Variants in UBAP1L observed in about 807,000 individuals in gnomAD.
UBAP1L encodes the protein ubiquitin associated protein 1 like.
UBAP1L carries 32 observed loss-of-function variants against 32.1 expected under a neutral mutation model. The ratio of observed to expected loss-of-function variants is 1.00; its 90% confidence interval spans 0.75 to 1.34. The LOEUF (loss-of-function observed/expected upper bound fraction) is 1.34. Ranked by LOEUF, UBAP1L falls within the 40% of genes most tolerant of loss-of-function variation. UBAP1L has a pLI of 0.00. For synonymous variants in UBAP1L, 243 were observed against 250.2 expected (o/e 0.97, Z 0.27); for missense variants, 516 against 540.5 (o/e 0.95, Z 0.45).
At chr15:65,106,044 C>A (rs2087306193) in intron 2 of UBAP1L, 52 bp downstream of exon 2, 2 of 1,544,560 alleles carry the variant, frequency 1.3e-6, no homozygotes, top group African/African-American at 2.8e-5. Flanking sequence ...GCCCCATGGA[C>A]TCAGCCCCAG....
Position 65,106,121 on chromosome 15 carries a change from C to T in UBAP1L, c.95G>A (p.Cys32Tyr), listed in dbSNP as rs1184400154. ...LPGPELSVPA[C>Y]GEVLLGSMHD... ...CATAGAACCCAGCAGAACTTCCCCG[C>T]AGGCCGGGACGCTGAGTTCTGGCCC... The change falls in exon 2 of 6, where the codon TGC (cysteine) becomes TAC (tyrosine). Residue 32 changes from cysteine to tyrosine, a missense_variant. Physicochemically the swap from Cys to Tyr is radical, Grantham distance 194 (BLOSUM62 -2). Transcript: ENST00000559089. The T allele has an allele frequency of 9.7e-6, 15 of 1,550,824 alleles. No individual in the cohort carries two copies. The highest frequency in any genetic ancestry group is 1.4e-5 in the African/African-American group (1 of 73,004).
chr15:65,092,966 T>C lies in UBAP1L; in HGVS notation c.*131A>G, dbSNP rs78396917. On this transcript the variant is annotated 3_prime_UTR_variant, in exon 6 of 6. Coordinates refer to ENST00000559089, the MANE Select transcript of UBAP1L (RefSeq NM_001163692.2). ...TGCTGCTGTTAACTGTCACCCTTGG[T>C]ATTATTTGTGTTTTTACAATAAGTA... 0.025 allele frequency: 30,283 copies of C among 1,230,380 alleles called. 959 individuals are homozygous for C. Among genetic ancestry groups the C allele is most frequent in the Admixed American group, 0.17 (5,719 of 32,922 alleles). 76.2% of individuals were successfully genotyped at this position (1,230,380 alleles called of 1,614,324 possible).
chr15:65,093,524 G>A (rs1256006675), intron 5 of UBAP1L, among the ~76,000 whole-genome samples: 3 of 152,224 alleles, frequency 2.0e-5, no homozygotes, highest in Non-Finnish European at 2.9e-5. Context: ...TGGGGCAGGA[G>A]GGGGGCAGAC....
chr15:65,094,449 G>T lies in UBAP1L; in HGVS notation c.1011+26C>A. ...ACACCCCCATCCCTTCCATCCCCTG[G>T]GGCCCTGGCAGGAAGCCCTGCTGAC... On this transcript the variant is annotated intron_variant, in intron 5 of 5. Coordinates refer to ENST00000559089, the MANE Select transcript of UBAP1L (RefSeq NM_001163692.2). The surrounding 1 kb of genome is among the most constrained non-coding windows in gnomAD (Gnocchi z 4.2). 6.6e-7 allele frequency: 1 copy of T among 1,521,306 alleles called. No homozygotes were observed. The allele number at this position is 1,521,306 out of a possible 1,614,324, so 94.2% of individuals were successfully genotyped here.
intron 2 of UBAP1L, among the ~76,000 whole-genome samples, chr15:65,103,782 T>C (rs1209515022): frequency 6.6e-6 from 1 of 151,866 alleles, no homozygotes; most frequent in Non-Finnish European, 1.5e-5. Flanking sequence ...TGGAGCAAAA[T>C]AGATGGGTTG....
chr15:65,112,004 C>T (rs2087372467), intron 1 of UBAP1L, among the ~76,000 whole-genome samples: 1 of 152,132 alleles, frequency 6.6e-6, no homozygotes, highest in Non-Finnish European at 1.5e-5. Flanking sequence ...ATCGATATTG[C>T]CTAGTTAGAA....
Position 65,094,990 on chromosome 15 carries a change from A to G in UBAP1L, c.910-414T>C. 4.4e-6 allele frequency: 1 copy of G among 225,330 alleles called. No homozygotes were observed. 14.0% of individuals were successfully genotyped at this position (225,330 alleles called of 1,614,324 possible). On this transcript the variant is annotated intron_variant, in intron 4 of 5. Coordinates refer to ENST00000559089, the MANE Select transcript of UBAP1L (RefSeq NM_001163692.2). The surrounding 1 kb of genome is among the most constrained non-coding windows in gnomAD (Gnocchi z 4.2). ...TGAAGGTGCCTCCTCATCCGTCCAC[A>G]CCTGTGCACCCCTACTGTGCCCCCA...
At chr15:65,099,370 C>T (rs149637284) in intron 4 of UBAP1L, 135 bp downstream of exon 4, 136 of 903,174 alleles carry the variant, frequency 1.5e-4, no homozygotes, top group Non-Finnish European at 2.2e-4. Context: ...CCCTGAGGGG[C>T]CATAGATGCT....
intron 4 of UBAP1L, chr15:65,097,100 G>C (rs1236423955): frequency 1.3e-5 from 2 of 152,224 alleles, no homozygotes; most frequent in African/African-American, 4.8e-5. Flanking sequence ...CACCAGGGAA[G>C]GCCACCCAGA....
At chr15:65,108,945 T>C (rs1043982314) in intron 1 of UBAP1L, among the ~76,000 whole-genome samples, 2 of 148,526 alleles carry the variant, frequency 1.3e-5, no homozygotes, top group Non-Finnish European at 3.0e-5. Flanking sequence ...TCGCTTGAGG[T>C]TGGGAGATCG....
chr15:65,110,411 C>T (rs1203274724), intron 1 of UBAP1L, among the ~76,000 whole-genome samples: 1 of 150,704 alleles, frequency 6.6e-6, no homozygotes, highest in Non-Finnish European at 1.5e-5. Context: ...GGCGTGGTGG[C>T]TAATACCTCT....
At position 65,102,809 on chromosome 15, in the gene UBAP1L, AGCCC is replaced by A. The variant is rs1262730192; in HGVS notation, c.121-129_121-126del. On this transcript the variant is annotated intron_variant, in intron 2 of 5. Transcript: ENST00000559089. The surrounding 1 kb of genome is among the most constrained non-coding windows in gnomAD (Gnocchi z 5.0). ...TAAGCCTGGACAGCGTCAGATTCTGAGCCCCGGGCTTCCATCACAGCCCACTCTA... is the reference window on the plus strand; with the variant it reads ...TAAGCCTGGACAGCGTCAGATTCTGACGGGCTTCCATCACAGCCCACTCTA... The A allele has an allele frequency of 1.1e-6, 1 of 882,618 alleles. No individual in the cohort carries two copies. The highest frequency in any genetic ancestry group is 1.6e-6 in the Non-Finnish European group (1 of 609,492). 54.7% of individuals were successfully genotyped at this position (882,618 alleles called of 1,614,324 possible). A position where few individuals can be genotyped will look rare whatever the true frequency, so the allele number is the denominator to read the frequency against.
rs10639874 is a variant in UBAP1L at position 65,108,752 on chromosome 15, C to CAAATAAATAAAT, written c.-173-2376_-173-2365dup. Among the ~76,000 whole-genome samples, 21 of 146,330 alleles carry CAAATAAATAAAT rather than the reference C, an allele frequency of 1.4e-4. No homozygotes were observed. In the East Asian group the frequency reaches 1.6e-3, roughly 11 times the overall value. On this transcript the variant is annotated intron_variant, in intron 1 of 5. Coordinates refer to ENST00000559089, the MANE Select transcript of UBAP1L (RefSeq NM_001163692.2). ...TGGGCAACAAAATGAGACACTGTCTCAAATAAATAAATAAATAAATAAATA... is the reference window on the plus strand; with the variant it reads ...TGGGCAACAAAATGAGACACTGTCTCAAATAAATAAATAAATAAATAAATAAATAAATAAATA...
intron 1 of UBAP1L, among the ~76,000 whole-genome samples, chr15:65,109,770 A>G (rs991623576): frequency 2.0e-5 from 3 of 152,236 alleles, no homozygotes; most frequent in African/African-American, 7.2e-5. Context: ...AGATACCACT[A>G]CACAAACATA....
chr15:65,093,701 C>G (rs1299731414), intron 5 of UBAP1L, among the ~76,000 whole-genome samples: 1 of 152,232 alleles, frequency 6.6e-6, no homozygotes. Flanking sequence ...CCCAACCCTC[C>G]GTCCCCTTCA....
In UBAP1L at chr15:65,099,676, C is replaced by G. The variant is rs754906641; in HGVS notation, c.738G>C (p.Gly246=). 1.9e-6 allele frequency: 3 copies of G among 1,551,072 alleles called. No individual in the cohort carries two copies. In the Admixed American group the frequency reaches 5.9e-5, roughly 30 times the overall value. ...SPYTCLPPLG[G]APQPLNPHKS... ...TGTGGGGGTTGAGAGGTTGGGGTGC[C>G]CCCCCAAGAGGTGGCAGACAGGTGT... Residue 246 remains glycine (G), a synonymous_variant, in exon 4 of 6, where the codon GGG becomes GGC. Coordinates refer to ENST00000559089, the MANE Select transcript of UBAP1L (RefSeq NM_001163692.2).
chr15:65,108,795 CACAACA>C (rs570733822), intron 1 of UBAP1L, among the ~76,000 whole-genome samples: 2 of 150,934 alleles, frequency 1.3e-5, no homozygotes, highest in African/African-American at 4.9e-5. Context: ...TTTAAAAAAA[CACAACA>C]ACAACAACTC....
In UBAP1L at chr15:65,094,645, A is replaced by C. The variant is rs2087154531; in HGVS notation, c.910-69T>G. 1.7e-6 allele frequency: 2 copies of C among 1,156,894 alleles called. No homozygotes were observed. The highest frequency in any genetic ancestry group is 3.1e-5 in the African/African-American group (2 of 65,338). The allele number at this position is 1,156,894 out of a possible 1,614,324, so 71.7% of individuals were successfully genotyped here. ...AGCCGGGGCAGCAGACAGGGCAGAG[A>C]GGCACTCCAAGGGCCTGAGCTGAGG... On this transcript the variant is annotated intron_variant, in intron 4 of 5. Transcript: ENST00000559089. The surrounding 1 kb of genome is among the most constrained non-coding windows in gnomAD (Gnocchi z 4.2).
Position 65,109,143 on chromosome 15 carries a change from C to G in UBAP1L, c.-173-2755G>C, listed in dbSNP as rs141855974. Among the ~76,000 whole-genome samples, 20 of 130,184 alleles carry G rather than the reference C, an allele frequency of 1.5e-4. No homozygotes were observed. The East Asian group carries it at 4.0e-3, about 26-fold the overall frequency. The allele number at this position is 130,184 out of a possible 152,430, so 85.4% of individuals were successfully genotyped here. On this transcript the variant is annotated intron_variant, in intron 1 of 5. Transcript: ENST00000559089. ...CTCTACTCCAGCCTAGGTGACAGAG[C>G]GAGACTCTGTCTCAAAAAAAAAAAA... is the stretch of plus-strand genomic sequence containing the variant.
Sources: allele counts gnomAD v4.1 joint callset (sites outside exome capture counted in the v4.1 genomes callset), GRCh38; gene constraint gnomAD v4.1.1; non-coding constraint Gnocchi (gnomAD v3.1); transcripts MANE v1.5; gene names NCBI Gene and HGNC (gene_info 2026-07-23, HGNC 2026-07-21).